GRB10: variants seen among roughly 807,000 people sequenced by gnomAD.
GRB10 encodes the protein growth factor receptor-bound protein 10.
Under a neutral mutation model 80.9 loss-of-function variants are expected in GRB10, and 20 were observed. The observed-to-expected ratio is 0.25, with a 90% confidence interval of 0.17 to 0.36. GRB10 has a LOEUF of 0.36. GRB10 is among the 10% of genes least tolerant of loss of function. GRB10 has a pLI of 1.00. For synonymous variants in GRB10, 291 were observed against 291.5 expected, an observed-to-expected ratio of 1.00 and a Z score of 0.02; for missense variants, 548 against 747.7, an observed-to-expected ratio of 0.73 and a Z score of 3.12.
rs2052548983 is a variant in GRB10, at chr7:50,624,664, C to T, written c.661+2158G>A. Among the ~76,000 whole-genome samples the T allele has an allele frequency of 2.0e-5, 3 of 152,096 alleles. No individual in the cohort carries two copies. In the South Asian group the frequency reaches 6.2e-4, roughly 31 times the overall value. ...TGGTAGCTCTAAAAACTTGCAAAGTCCTCTGCAAACCCAGCCAACAGAAAA... is the reference window on the plus strand; with the variant it reads ...TGGTAGCTCTAAAAACTTGCAAAGTTCTCTGCAAACCCAGCCAACAGAAAA... On this transcript the variant is annotated intron_variant, in intron 8 of 18. Transcript: ENST00000401949.
chr7:50,748,318 T>C (rs2073383962), intron 3 of GRB10, among the ~76,000 whole-genome samples: 1 of 152,164 alleles, frequency 6.6e-6, no homozygotes, highest in South Asian at 2.1e-4. Context: ...CATCAGACAG[T>C]GCACACCTAC....
intron 7 of GRB10, among the ~76,000 whole-genome samples, chr7:50,638,686 A>T (rs1339864414): frequency 6.6e-6 from 1 of 152,210 alleles, no homozygotes; most frequent in Non-Finnish European, 1.5e-5. Flanking sequence ...CAGTATGGAG[A>T]TTTCCCAAAG....
At position 50,748,150 on chromosome 7, in the gene GRB10, C is replaced by T. The variant is rs761812676; in HGVS notation, c.-47+7737G>A. 7.2e-5 allele frequency among the ~76,000 whole-genome samples: 11 copies of T among 152,246 alleles called. No individual in the cohort carries two copies. In the South Asian group the frequency reaches 1.2e-3, roughly 17 times the overall value. ...GAGTGGATCTGCTCTAATAACTGAA[C>T]GTAATCACTCACCCCCCGCCCCATC... On this transcript the variant is annotated intron_variant, in intron 3 of 18. Transcript: ENST00000401949.
chr7:50,683,860 T>C (rs2153651594), intron 5 of GRB10, among the ~76,000 whole-genome samples: 2 of 152,326 alleles, frequency 1.3e-5, no homozygotes, highest in South Asian at 4.1e-4. Flanking sequence ...AATTGAATTG[T>C]TCCCAGGTTA....
At chr7:50,724,569 C>T (rs375096095) in intron 4 of GRB10, among the ~76,000 whole-genome samples, 3 of 151,978 alleles carry the variant, frequency 2.0e-5, no homozygotes, top group Admixed American at 6.5e-5. Flanking sequence ...GAAGGGAGAG[C>T]GTGAGCCGCC....
chr7:50,778,336 A>G (rs1387908057), intron 2 of GRB10, among the ~76,000 whole-genome samples: 1 of 152,252 alleles, frequency 6.6e-6, no homozygotes, highest in Non-Finnish European at 1.5e-5. Flanking sequence ...TAAGTTGCCC[A>G]ACATCACCAC....
chr7:50,636,524 T>C (rs1563239550), intron 7 of GRB10, among the ~76,000 whole-genome samples: 1 of 152,012 alleles, frequency 6.6e-6, no homozygotes. Context: ...ATTAAAAAGG[T>C]AATACATCAT....
chr7:50,701,468 G>A (rs1190890083), intron 5 of GRB10, among the ~76,000 whole-genome samples: 1 of 152,180 alleles, frequency 6.6e-6, no homozygotes, highest in Non-Finnish European at 1.5e-5. Context: ...GCGCACACCT[G>A]TAGTCCCAGG....
At chr7:50,774,566 T>C (rs2077378445) in intron 2 of GRB10, among the ~76,000 whole-genome samples, 1 of 152,110 alleles carries the variant, frequency 6.6e-6, no homozygotes, top group South Asian at 2.1e-4. Context: ...CAAGAATCCA[T>C]TCATGGGACT....
chr7:50,603,857 C>A (rs144638444), intron 17 of GRB10, 141 bp downstream of exon 17: 309 of 815,424 alleles, frequency 3.8e-4, no homozygotes, highest in Non-Finnish European at 5.3e-4. Context: ...ACTTATACCT[C>A]TAGCCTACCT....
At chr7:50,688,066 T>G (rs936390953) in intron 5 of GRB10, among the ~76,000 whole-genome samples, 1 of 152,238 alleles carries the variant, frequency 6.6e-6, no homozygotes, top group African/African-American at 2.4e-5. Context: ...TGTTCACATA[T>G]GGCATCTAAG....
At position 50,604,458 on chromosome 7, in the gene GRB10, G is replaced by A. The variant is rs191336491; in HGVS notation, c.1390-81C>T. 1.3e-4 allele frequency: 153 copies of A among 1,176,036 alleles called. No individual in the cohort carries two copies. The African/African-American group carries it at 1.9e-3, about 15-fold the overall frequency. The allele number at this position is 1,176,036 out of a possible 1,614,324, so 72.9% of individuals were successfully genotyped here. A position where few individuals can be genotyped will look rare whatever the true frequency, so the allele number is the denominator to read the frequency against. On this transcript the variant is annotated intron_variant, in intron 15 of 18. Transcript: ENST00000401949. ...CCCAATATGTCCAAGCTCATGGCAG[G>A]CCACTGGGTGGGGTGCCTGACTGGG... is the stretch of plus-strand genomic sequence containing the variant.
At position 50,777,447 on chromosome 7, in the gene GRB10, C is replaced by T. The variant is rs925385119; in HGVS notation, c.-217+3180G>A. Among the ~76,000 whole-genome samples the T allele has an allele frequency of 2.2e-4, 33 of 152,002 alleles. No homozygotes were observed. The East Asian group carries it at 6.0e-3, about 28-fold the overall frequency. On this transcript the variant is annotated intron_variant, in intron 2 of 18. Transcript: ENST00000401949. ...ATCTGTATACACACACACACACACA[C>T]ACACACACACACCATTGCACATATC...
intron 17 of GRB10, among the ~76,000 whole-genome samples, chr7:50,603,245 G>A (rs942138742): frequency 6.6e-6 from 1 of 152,202 alleles, no homozygotes; most frequent in African/African-American, 2.4e-5. Flanking sequence ...TCGGCCTTCT[G>A]TGGTAACTGC....
At chr7:50,603,552 G>C (rs2047989525) in intron 17 of GRB10, among the ~76,000 whole-genome samples, 1 of 152,176 alleles carries the variant, frequency 6.6e-6, no homozygotes, top group Non-Finnish European at 1.5e-5. Context: ...AGCTGGCCCA[G>C]GTGAGAAAGG....
At chr7:50,729,821 C>T (rs963652737) in intron 4 of GRB10, among the ~76,000 whole-genome samples, 20 of 151,056 alleles carry the variant, frequency 1.3e-4, no homozygotes, top group Non-Finnish European at 4.4e-5. Flanking sequence ...TCTCACTTGC[C>T]AGTTGTTCCA....
At chr7:50,632,938 C>T (rs1434442835) in intron 7 of GRB10, among the ~76,000 whole-genome samples, 2 of 152,150 alleles carry the variant, frequency 1.3e-5, no homozygotes, top group African/African-American at 2.4e-5. Flanking sequence ...CCCAGCCATA[C>T]CCAGCTCTGC....
chr7:50,668,344 G>T (rs1362778496), intron 7 of GRB10, among the ~76,000 whole-genome samples: 2 of 144,676 alleles, frequency 1.4e-5, no homozygotes, highest in Non-Finnish European at 3.0e-5. Flanking sequence ...AGGGAGAAGA[G>T]ATGATTCAAG....
intron 5 of GRB10, among the ~76,000 whole-genome samples, chr7:50,694,900 C>T (rs187126525): frequency 1.3e-5 from 2 of 152,292 alleles, no homozygotes; most frequent in East Asian, 3.9e-4. Flanking sequence ...AAGAGGAATG[C>T]CATGATAGCA....
Sources: allele counts gnomAD v4.1 joint callset (sites outside exome capture counted in the v4.1 genomes callset), GRCh38; gene constraint gnomAD v4.1.1; transcripts MANE v1.5; gene names NCBI Gene and HGNC (gene_info 2026-07-23, HGNC 2026-07-21).